Variants in NKAIN3 observed in about 807,000 individuals in gnomAD.
The protein encoded by NKAIN3 is sodium/potassium transporting ATPase interacting 3.
NKAIN3 carries 25 observed loss-of-function variants against 30.2 expected under a neutral mutation model. The ratio of observed to expected loss-of-function variants is 0.83; its 90% CI spans 0.60 to 1.16. The LOEUF is 1.16. Among genes scored for constraint, NKAIN3 ranks in the 50% most tolerant of loss-of-function variants. NKAIN3 has a pLI of 0.00. For missense variants in NKAIN3, 225 were observed against 254.1 expected (o/e 0.89, Z 0.78); for synonymous variants, 91 against 89.6 (o/e 1.02, Z -0.09).
At chr8:62,765,246 C>CAAAAA (rs34477671) in intron 4 of NKAIN3, among the ~76,000 whole-genome samples, 80 of 41,880 alleles carry the variant, frequency 1.9e-3, no homozygotes, top group East Asian at 4.3e-3. Context: ...GACTCCATCT[C>CAAAAA]AAAAAAAAAA....
intron 4 of NKAIN3, among the ~76,000 whole-genome samples, chr8:62,753,312 T>C (rs1816346755): frequency 6.6e-6 from 1 of 151,966 alleles, no homozygotes; most frequent in South Asian, 2.1e-4. Context: ...TAATCTCTAT[T>C]ATCAATTAAT....
At chr8:62,560,740 C>T (rs182541934) in intron 1 of NKAIN3, among the ~76,000 whole-genome samples, 3 of 151,802 alleles carry the variant, frequency 2.0e-5, no homozygotes, top group Admixed American at 2.0e-4. Flanking sequence ...GGGGTTTCAC[C>T]ATGGTGGCCA....
intron 1 of NKAIN3, among the ~76,000 whole-genome samples, chr8:62,312,860 T>C (rs929822420): frequency 1.3e-5 from 2 of 150,774 alleles, no homozygotes; most frequent in African/African-American, 4.9e-5. Context: ...ATGTGGGAGA[T>C]ATTCTGAGTT....
intron 4 of NKAIN3, among the ~76,000 whole-genome samples, chr8:62,752,028 A>G (rs1489841911): frequency 6.6e-6 from 1 of 152,178 alleles, no homozygotes; most frequent in African/African-American, 2.4e-5. Flanking sequence ...CAACTAATGC[A>G]GTGATGGCAC....
chr8:62,464,495 T>G (rs1337419671), intron 1 of NKAIN3, among the ~76,000 whole-genome samples: 1 of 152,200 alleles, frequency 6.6e-6, no homozygotes, highest in Non-Finnish European at 1.5e-5. Flanking sequence ...TCAGTTACTA[T>G]GTGGGCCGTC....
At chr8:62,883,457 G>GTTGTTGTTGT in intron 4 of NKAIN3, among the ~76,000 whole-genome samples, 1 of 70,226 alleles carries the variant, frequency 1.4e-5, no homozygotes, top group Non-Finnish European at 2.4e-5. Flanking sequence ...AGTTTTATGG[G>GTTGTTGTTGT]TTTTTTTTTT....
At chr8:62,834,997 A>C (rs1819315230) in intron 4 of NKAIN3, among the ~76,000 whole-genome samples, 1 of 152,166 alleles carries the variant, frequency 6.6e-6, no homozygotes, top group Admixed American at 6.6e-5. Context: ...AATGGAACTG[A>C]ATAGAGAACC....
intron 6 of NKAIN3, among the ~76,000 whole-genome samples, chr8:62,962,611 G>A (rs1415166210): frequency 3.3e-5 from 5 of 152,232 alleles, no homozygotes; most frequent in South Asian, 2.1e-4. Context: ...GGCCTGTACC[G>A]CCTAGATGCC....
intron 3 of NKAIN3, among the ~76,000 whole-genome samples, chr8:62,669,681 G>T (rs1813240261): frequency 6.6e-6 from 1 of 152,026 alleles, no homozygotes; most frequent in South Asian, 2.1e-4. Context: ...CTTCTGTTTG[G>T]CTTATTTGAA....
intron 1 of NKAIN3, among the ~76,000 whole-genome samples, chr8:62,512,220 G>A (rs955359703): frequency 6.6e-6 from 1 of 152,144 alleles, no homozygotes; most frequent in Admixed American, 6.5e-5. Context: ...GATTTAAGAA[G>A]GCATTGTGGA....
chr8:62,423,657 A>G (rs1488399022), intron 1 of NKAIN3, among the ~76,000 whole-genome samples: 1 of 151,918 alleles, frequency 6.6e-6, no homozygotes, highest in Non-Finnish European at 1.5e-5. Flanking sequence ...AATAAAAATT[A>G]AGATTATTTT....
chr8:62,329,352 T>G (rs1203908767), intron 1 of NKAIN3, among the ~76,000 whole-genome samples: 2 of 152,286 alleles, frequency 1.3e-5, no homozygotes, highest in South Asian at 2.1e-4. Flanking sequence ...AATTTCAATT[T>G]TTATCATGGA....
At chr8:62,282,329 T>G (rs1450998705) in intron 1 of NKAIN3, among the ~76,000 whole-genome samples, 3 of 152,280 alleles carry the variant, frequency 2.0e-5, no homozygotes, top group Admixed American at 2.0e-4. Flanking sequence ...CCTGCACACC[T>G]CTGTGTGTCC....
intron 3 of NKAIN3, among the ~76,000 whole-genome samples, chr8:62,655,933 C>T (rs1812750234): frequency 6.6e-6 from 1 of 151,890 alleles, no homozygotes; most frequent in Non-Finnish European, 1.5e-5. Context: ...ATACTTGGTC[C>T]CTAGGAAAGA....
chr8:62,876,645 G>T (rs1254227271), intron 4 of NKAIN3, among the ~76,000 whole-genome samples: 1 of 152,206 alleles, frequency 6.6e-6, no homozygotes, highest in African/African-American at 2.4e-5. Context: ...AAAAAGGAAT[G>T]AGATCATGTC....
intron 3 of NKAIN3, among the ~76,000 whole-genome samples, chr8:62,663,424 G>C (rs1813003135): frequency 6.6e-6 from 1 of 152,210 alleles, no homozygotes; most frequent in Non-Finnish European, 1.5e-5. Context: ...TCAGGCATAA[G>C]AGACAGCAGT....
chr8:62,311,083 G>T (rs1814412022), intron 1 of NKAIN3, among the ~76,000 whole-genome samples: 1 of 150,246 alleles, frequency 6.7e-6, no homozygotes, highest in South Asian at 2.1e-4. Flanking sequence ...AGGAATCATT[G>T]TTTACATGCA....
intron 3 of NKAIN3, among the ~76,000 whole-genome samples, chr8:62,697,523 T>TA (rs1227255478): frequency 6.6e-6 from 1 of 152,220 alleles, no homozygotes; most frequent in Non-Finnish European, 1.5e-5. Context: ...TTCTTTTTTT[T>TA]ACATAATATT....
rs568452702 is a variant in NKAIN3, at chr8:62,984,314, C to A, written c.*18907C>A. On this transcript the variant is annotated 3_prime_UTR_variant, in exon 7 of 7. Transcript: ENST00000623646. ...AGGCACAGGTTGCTGGTAAGAGGGACAGAAAGACAAGAACATAGTACCTTC... is the reference window on the plus strand; with the variant it reads ...AGGCACAGGTTGCTGGTAAGAGGGAAAGAAAGACAAGAACATAGTACCTTC... 2.0e-5 allele frequency: 3 copies of A among 152,300 alleles called. No individual in the cohort carries two copies. The South Asian group carries it at 6.2e-4, about 32-fold the overall frequency. The allele number at this position is 152,300 out of a possible 1,614,324, so 9.4% of individuals were successfully genotyped here.
Sources: allele counts gnomAD v4.1 joint callset (sites outside exome capture counted in the v4.1 genomes callset), GRCh38; gene constraint gnomAD v4.1.1; transcripts MANE v1.5; gene names NCBI Gene and HGNC (gene_info 2026-07-23, HGNC 2026-07-21).